IL1RAPL1: variants seen among roughly 807,000 people sequenced by gnomAD.
IL1RAPL1 encodes interleukin-1 receptor accessory protein-like 1.
In IL1RAPL1, 3 loss-of-function variants were observed where a neutral mutation model predicts 48.4. That is an observed-to-expected ratio of 0.06 (90% CI 0.03 to 0.16). The LOEUF (loss-of-function observed/expected upper bound fraction) is 0.16. Ranked by LOEUF, IL1RAPL1 falls within the 10% of genes least tolerant of loss-of-function variation. The pLI is 1.00. For missense variants in IL1RAPL1, 349 were observed against 530.6 expected, an observed-to-expected ratio of 0.66 and a Z score of 3.36; for synonymous variants, 185 against 187.7, an observed-to-expected ratio of 0.99 and a Z score of 0.12.
intron 2 of IL1RAPL1, among the ~76,000 whole-genome samples, chrX:28,812,142 T>A: frequency 9.0e-6 from 1 of 111,089 alleles, no homozygotes; most frequent in Admixed American, 9.6e-5. Flanking sequence ...ACAGTATAAA[T>A]ATTGCAGGAA....
chrX:28,587,944 AAC>A lies in IL1RAPL1; in HGVS notation c.-124_-123del, dbSNP rs1322238550. 8.9e-6 allele frequency: 1 copy of A among 111,969 alleles called. No individual in the cohort carries two copies. The highest frequency in any genetic ancestry group is 1.9e-5 in the Non-Finnish European group (1 of 53,250). The allele number at this position is 111,969 out of a possible 1,213,427, so 9.2% of individuals were successfully genotyped here. A position where few individuals can be genotyped will look rare whatever the true frequency, so the allele number is the denominator to read the frequency against. On this transcript the variant is annotated 5_prime_UTR_variant, in exon 1 of 11. The change abolishes the stop of an existing upstream ORF in the 5' untranslated region. Coordinates refer to ENST00000378993, the MANE Select transcript of IL1RAPL1 (RefSeq NM_014271.4). ...AATTGCTAGCAAAAACAAGAAAAAG[AAC>A]ACAGGAGTAAAACGTGGATTTTTCT... is the stretch of plus-strand genomic sequence containing the variant.
chrX:29,254,617 T>C (rs1248284395), intron 2 of IL1RAPL1, among the ~76,000 whole-genome samples: 2 of 111,623 alleles, frequency 1.8e-5, no homozygotes, highest in East Asian at 5.6e-4. Context: ...AGTGGACTAC[T>C]AGTATGATGA....
intron 2 of IL1RAPL1, among the ~76,000 whole-genome samples, chrX:28,914,113 C>G (rs1923427354): frequency 9.0e-6 from 1 of 110,944 alleles, no homozygotes; most frequent in South Asian, 3.8e-4. Context: ...TTCAATATTT[C>G]TACATTTTTT....
chrX:29,096,246 C>T (rs1430161143), intron 2 of IL1RAPL1, among the ~76,000 whole-genome samples: 1 of 111,304 alleles, frequency 9.0e-6, no homozygotes, highest in East Asian at 2.8e-4. Context: ...AAAAATACCC[C>T]CAGAAATGCT....
intron 2 of IL1RAPL1, among the ~76,000 whole-genome samples, chrX:28,884,787 CAAAA>C (rs1329290796): frequency 9.0e-6 from 1 of 110,883 alleles, no homozygotes; most frequent in Non-Finnish European, 1.9e-5. Context: ...AGAGAAAGGA[CAAAA>C]AATAAAATAT....
At chrX:28,789,188 T>C in intron 1 of IL1RAPL1, 132 bp from the exon 2 acceptor site, 1 of 446,216 alleles carries the variant, frequency 2.2e-6, no homozygotes, top group Non-Finnish European at 3.9e-6. Context: ...ATAATAGAAA[T>C]CCTGGTTATA....
intron 2 of IL1RAPL1, among the ~76,000 whole-genome samples, chrX:29,101,113 C>T (rs1338608383): frequency 9.0e-6 from 1 of 111,199 alleles, no homozygotes; most frequent in South Asian, 3.8e-4. Flanking sequence ...TTTAGCCAGA[C>T]TAACTAAGAA....
intron 1 of IL1RAPL1, among the ~76,000 whole-genome samples, chrX:28,737,231 C>A (rs1935851871): frequency 1.2e-5 from 1 of 81,981 alleles, no homozygotes; most frequent in Admixed American, 1.5e-4. Flanking sequence ...TTCTTTCTTT[C>A]TTTCTTTCTT....
At chrX:29,645,545 A>G (rs1406888435) in intron 5 of IL1RAPL1, among the ~76,000 whole-genome samples, 1 of 111,143 alleles carries the variant, frequency 9.0e-6, no homozygotes, top group Non-Finnish European at 1.9e-5. Context: ...GCTAAAACCT[A>G]TGTACGGAGC....
chrX:29,739,031 A>G (rs919854702), intron 6 of IL1RAPL1, among the ~76,000 whole-genome samples: 5 of 112,186 alleles, frequency 4.5e-5, no homozygotes, highest in Admixed American at 9.4e-5. Flanking sequence ...CAATTCTTGC[A>G]CATTATCCCA....
At chrX:29,678,149 AC>A (rs1048203603) in intron 6 of IL1RAPL1, among the ~76,000 whole-genome samples, 1 of 110,630 alleles carries the variant, frequency 9.0e-6, no homozygotes, top group African/African-American at 3.3e-5. Flanking sequence ...AAAAGTATGT[AC>A]AATGCCACTT....
At chrX:28,912,795 A>G (rs1032009407) in intron 2 of IL1RAPL1, among the ~76,000 whole-genome samples, 1 of 111,454 alleles carries the variant, frequency 9.0e-6, no homozygotes, top group Non-Finnish European at 1.9e-5. Flanking sequence ...GATTAATAAT[A>G]GCCACAGAGC....
At chrX:29,207,303 A>G (rs1930684603) in intron 2 of IL1RAPL1, among the ~76,000 whole-genome samples, 1 of 112,163 alleles carries the variant, frequency 8.9e-6, no homozygotes, top group African/African-American at 3.2e-5. Context: ...TGCGAAAAGA[A>G]CAAACATACT....
chrX:29,796,987 A>G (rs1213389816), intron 6 of IL1RAPL1, among the ~76,000 whole-genome samples: 1 of 112,680 alleles, frequency 8.9e-6, no homozygotes, highest in Admixed American at 9.4e-5. Flanking sequence ...TCCAGGTCTC[A>G]GCTCAACTTT....
chrX:29,739,083 T>G (rs186672614), intron 6 of IL1RAPL1, among the ~76,000 whole-genome samples: 41 of 111,963 alleles, frequency 3.7e-4, no homozygotes, highest in African/African-American at 1.3e-3. Context: ...AGGTAACATT[T>G]CCCCACTTCA....
At chrX:29,289,275 T>C (rs2147603861) in intron 3 of IL1RAPL1, among the ~76,000 whole-genome samples, 1 of 112,464 alleles carries the variant, frequency 8.9e-6, no homozygotes, top group South Asian at 3.7e-4. Context: ...TTTGTTTAGG[T>C]TAAGTCTTAG....
At chrX:29,072,660 A>C (rs971524528) in intron 2 of IL1RAPL1, among the ~76,000 whole-genome samples, 9 of 111,665 alleles carry the variant, frequency 8.1e-5, no homozygotes, top group Non-Finnish European at 1.3e-4. Flanking sequence ...GATGGTCTTT[A>C]GCATATGCTA....
At chrX:28,702,818 T>C (rs2146930748) in intron 1 of IL1RAPL1, among the ~76,000 whole-genome samples, 1 of 97,146 alleles carries the variant, frequency 1.0e-5, no homozygotes, top group Admixed American at 1.2e-4. Flanking sequence ...ATTTATTGTT[T>C]CCACTGTTTT....
intron 8 of IL1RAPL1, among the ~76,000 whole-genome samples, chrX:29,927,493 G>T (rs1368481159): frequency 9.0e-6 from 1 of 111,630 alleles, no homozygotes; most frequent in Non-Finnish European, 1.9e-5. Flanking sequence ...AATGAATTGT[G>T]CTATATAACA....
Sources: allele counts gnomAD v4.1 joint callset (sites outside exome capture counted in the v4.1 genomes callset), GRCh38; gene constraint gnomAD v4.1.1; transcripts MANE v1.5; gene names NCBI Gene and HGNC (gene_info 2026-07-23, HGNC 2026-07-21).